TMEM255A: variants seen among roughly 807,000 people sequenced by gnomAD.
TMEM255A encodes the protein transmembrane protein 255A.
Under a neutral mutation model 23.5 loss-of-function variants are expected in TMEM255A, and 14 were observed. The ratio of observed to expected loss-of-function variants is 0.60; its 90% confidence interval spans 0.39 to 0.93. The LOEUF (loss-of-function observed/expected upper bound fraction) is 0.93. TMEM255A is among the 40% of genes least tolerant of loss of function. The probability of loss-of-function intolerance (pLI) is 0.00; values close to 1 mark genes in which losing one functional copy is unlikely to be tolerated. For missense variants in TMEM255A, 233 were observed against 261.7 expected, an observed-to-expected ratio of 0.89 and a Z score of 0.76; for synonymous variants, 104 against 100.3, an observed-to-expected ratio of 1.04 and a Z score of -0.22.
At chrX:120,305,304 A>C (rs1482526631) in intron 1 of TMEM255A, among the ~76,000 whole-genome samples, 1 of 111,381 alleles carries the variant, frequency 9.0e-6, no homozygotes, top group African/African-American at 3.3e-5. Flanking sequence ...ATCTAGGCTC[A>C]CTTTTTAATT....
rs782268747 is a variant in TMEM255A, at chrX:120,260,309, C to CA, written c.*560dup. 2.3e-6 allele frequency: 1 copy of CA among 442,891 alleles called. No homozygotes were observed. Among genetic ancestry groups the CA allele is most frequent in the African/African-American group, 2.7e-5 (1 of 37,536 alleles). The allele number at this position is 442,891 out of a possible 1,213,427, so 36.5% of individuals were successfully genotyped here. ...TCACAACAGCCATTTTTACAATACTCACAGAGAAGGAAGGAGTAAGAGATA... is the reference window on the plus strand; with the variant it reads ...TCACAACAGCCATTTTTACAATACTCAACAGAGAAGGAAGGAGTAAGAGATA... On this transcript the variant is annotated 3_prime_UTR_variant, in exon 9 of 9. Transcript: ENST00000371369.
intron 4 of TMEM255A, among the ~76,000 whole-genome samples, 195 bp from the exon 5 acceptor site, chrX:120,287,417 C>T (rs1402194305): frequency 9.0e-6 from 1 of 110,958 alleles, no homozygotes; most frequent in Non-Finnish European, 1.9e-5. Flanking sequence ...GACAAAAATA[C>T]TTTAAAAATT....
Position 120,260,057 on chromosome X carries a change from CTG to C in TMEM255A, c.*811_*812del. On this transcript the variant is annotated 3_prime_UTR_variant, in exon 9 of 9. Coordinates refer to ENST00000371369, the MANE Select transcript of TMEM255A (RefSeq NM_001104544.3). Reference sequence around the variant, plus strand: ...ACCTAATTTATAACATTTTTAAACTCTGAATTACAACCATAAGATTTATATCT... The same window carrying C: ...ACCTAATTTATAACATTTTTAAACTCAATTACAACCATAAGATTTATATCT... The C allele has an allele frequency of 1.5e-6, 1 of 682,618 alleles. No individual in the cohort carries two copies. Among genetic ancestry groups the C allele is most frequent in the Non-Finnish European group, 1.7e-6 (1 of 573,859 alleles). The allele number at this position is 682,618 out of a possible 1,213,427, so 56.3% of individuals were successfully genotyped here.
At chrX:120,278,939 T>C (rs782395612) in intron 6 of TMEM255A, among the ~76,000 whole-genome samples, 1 of 111,739 alleles carries the variant, frequency 8.9e-6, no homozygotes, top group South Asian at 3.8e-4. Context: ...TATTTGTGTG[T>C]GCCTGTGGGT....
At chrX:120,267,228 T>C (rs1556017748) in intron 8 of TMEM255A, among the ~76,000 whole-genome samples, 2 of 112,233 alleles carry the variant, frequency 1.8e-5, no homozygotes. Flanking sequence ...TTTATTCAAC[T>C]TAATCAGATT....
intron 7 of TMEM255A, among the ~76,000 whole-genome samples, chrX:120,274,409 G>C (rs1556019363): frequency 8.9e-6 from 1 of 111,971 alleles, no homozygotes. Flanking sequence ...TTTTATGTTT[G>C]TGACTTCCAC....
intron 5 of TMEM255A, chrX:120,285,507 A>G: frequency 2.1e-6 from 2 of 974,929 alleles, no homozygotes; most frequent in South Asian, 4.2e-5. Flanking sequence ...CGGAAGAACA[A>G]ATGGACTGAA....
chrX:120,281,845 T>C (rs782567235), intron 6 of TMEM255A, among the ~76,000 whole-genome samples: 1 of 112,168 alleles, frequency 8.9e-6, no homozygotes, highest in Non-Finnish European at 1.9e-5. Flanking sequence ...TGAGGAGCTG[T>C]GTCCTAGAGA....
In TMEM255A at chrX:120,296,761, T is replaced by G. The variant is rs1162891636; in HGVS notation, c.202-2710A>C. Among the ~76,000 whole-genome samples the G allele has an allele frequency of 2.0e-4, 2 of 10,068 alleles. 1 individual carries two copies. The highest frequency in any genetic ancestry group is 2.6e-4 in the Non-Finnish European group (2 of 7,634). 8.7% of individuals were successfully genotyped at this position (10,068 alleles called of 115,157 possible). The stretch of plus-strand genomic sequence containing the variant: ...TTATATTATATTATATTATATATTA[T>G]ATATATTAAATATATTATATATCAT... On this transcript the variant is annotated intron_variant, in intron 2 of 8. Transcript: ENST00000371369.
At chrX:120,289,367 C>T (rs2057898750) in intron 4 of TMEM255A, among the ~76,000 whole-genome samples, 1 of 112,150 alleles carries the variant, frequency 8.9e-6, no homozygotes, top group African/African-American at 3.2e-5. Context: ...TTAGAGGAAA[C>T]TTCCAGTAAA....
At chrX:120,265,988 C>CA (rs782107279) in intron 8 of TMEM255A, among the ~76,000 whole-genome samples, 28,048 of 68,614 alleles carry the variant, frequency 0.41, 5,356 homozygotes, top group East Asian at 0.5. Flanking sequence ...ACAAAAGATA[C>CA]AAAAAAAAAA....
chrX:120,284,434 C>T (rs1013346077), intron 6 of TMEM255A, among the ~76,000 whole-genome samples: 9 of 110,214 alleles, frequency 8.2e-5, no homozygotes, highest in Non-Finnish European at 1.1e-4. Context: ...GTTGCCCACC[C>T]ACCCCCAACT....
chrX:120,299,399 G>A (rs1016375014), intron 2 of TMEM255A, among the ~76,000 whole-genome samples: 1 of 111,156 alleles, frequency 9.0e-6, no homozygotes, highest in East Asian at 2.8e-4. Flanking sequence ...AGCCGGCCTC[G>A]ACCTCCTGGG....
Position 120,260,809 on chromosome X carries a change from C to G in TMEM255A, c.*61G>C. 8.4e-7 allele frequency: 1 copy of G among 1,184,669 alleles called. No individual in the cohort carries two copies. The highest frequency in any genetic ancestry group is 1.1e-6 in the Non-Finnish European group (1 of 883,863). On this transcript the variant is annotated 3_prime_UTR_variant, in exon 9 of 9. Coordinates refer to ENST00000371369, the MANE Select transcript of TMEM255A (RefSeq NM_001104544.3). The stretch of plus-strand genomic sequence containing the variant: ...CACTTTAAATTTTGTACCCTACACA[C>G]TTCCACTGAAGCAGAAATACAAAAG...
At chrX:120,274,122 A>T (rs1556019302) in intron 7 of TMEM255A, among the ~76,000 whole-genome samples, 1 of 112,423 alleles carries the variant, frequency 8.9e-6, no homozygotes, top group African/African-American at 3.2e-5. Flanking sequence ...GATGAATTTT[A>T]AAAACAAAAA....
In TMEM255A at chrX:120,278,062, G is replaced by A. The variant is rs781827073; in HGVS notation, c.513-1015C>T. Among the ~76,000 whole-genome samples, 23 of 108,548 alleles carry A rather than the reference G, an allele frequency of 2.1e-4. 1 individual carries two copies. The highest frequency in any genetic ancestry group is 1.5e-3 in the Admixed American group (16 of 10,338). 94.3% of individuals were successfully genotyped at this position (108,548 alleles called of 115,157 possible). A position where few individuals can be genotyped will look rare whatever the true frequency, so the allele number is the denominator to read the frequency against. Reference sequence around the variant, plus strand: ...GGCTTTATAAGAAAAGGAAGATCTCGCTCTCCTCCTCCTCCTCCTCTTTTT... The same window carrying A: ...GGCTTTATAAGAAAAGGAAGATCTCACTCTCCTCCTCCTCCTCCTCTTTTT... On this transcript the variant is annotated intron_variant, in intron 6 of 8. Transcript: ENST00000371369.
chrX:120,290,639 C>T (rs1399146797), intron 4 of TMEM255A, among the ~76,000 whole-genome samples: 1 of 111,850 alleles, frequency 8.9e-6, no homozygotes, highest in Non-Finnish European at 1.9e-5. Flanking sequence ...GTGTCATTTG[C>T]TTTATAAGAA....
At chrX:120,276,031 G>A (rs782815630) in intron 7 of TMEM255A, among the ~76,000 whole-genome samples, 2 of 110,406 alleles carry the variant, frequency 1.8e-5, no homozygotes, top group Non-Finnish European at 3.8e-5. Context: ...CCTGGGCTTA[G>A]TCAATCCTCC....
intron 8 of TMEM255A, among the ~76,000 whole-genome samples, chrX:120,261,834 ACT>A (rs2057682813): frequency 9.0e-6 from 1 of 111,029 alleles, no homozygotes; most frequent in African/African-American, 3.3e-5. Context: ...TATATCCTTG[ACT>A]CTAGTGATTT....
Sources: allele counts gnomAD v4.1 joint callset (sites outside exome capture counted in the v4.1 genomes callset), GRCh38; gene constraint gnomAD v4.1.1; transcripts MANE v1.5; gene names NCBI Gene and HGNC (gene_info 2026-07-23, HGNC 2026-07-21).